The following RGS6 variants were observed in gnomAD, a reference collection of about 807,000 sequenced individuals.
RGS6 encodes the protein regulator of G-protein signaling 6.
RGS6 carries 30 observed loss-of-function variants against 78.5 expected under a neutral mutation model. That is an observed-to-expected ratio of 0.38 (90% CI 0.29 to 0.52). The LOEUF is 0.52. Ranked by LOEUF, RGS6 falls within the 20% of genes least tolerant of loss-of-function variation. The probability of loss-of-function intolerance (pLI) is 0.85; values close to 1 mark genes in which losing one functional copy is unlikely to be tolerated. For missense variants in RGS6, 495 were observed against 609.7 expected (o/e 0.81, Z 1.98); for synonymous variants, 206 against 206.0 (o/e 1.00, Z 0.00).
intron 2 of RGS6, among the ~76,000 whole-genome samples, chr14:72,135,060 A>G (rs2096409610): frequency 6.6e-6 from 1 of 152,200 alleles, no homozygotes; most frequent in Admixed American, 6.6e-5. Context: ...TTCAACTGAC[A>G]CATAAAATTA....
intron 3 of RGS6, among the ~76,000 whole-genome samples, chr14:72,443,934 C>T (rs1285224888): frequency 6.6e-6 from 1 of 152,216 alleles, no homozygotes; most frequent in African/African-American, 2.4e-5. Flanking sequence ...GATCCTCCAT[C>T]TTCCTGCACT....
At chr14:72,236,041 A>G (rs978626029) in intron 2 of RGS6, among the ~76,000 whole-genome samples, 3 of 152,230 alleles carry the variant, frequency 2.0e-5, no homozygotes, top group Admixed American at 1.3e-4. Context: ...GATGCATTGA[A>G]AAATGTATTC....
intron 2 of RGS6, among the ~76,000 whole-genome samples, chr14:71,993,907 G>A (rs994581056): frequency 2.0e-5 from 3 of 151,794 alleles, no homozygotes; most frequent in African/African-American, 7.3e-5. Context: ...AATTGGCAGA[G>A]TGTCTCTGAT....
chr14:72,273,195 T>C (rs1452371863), intron 2 of RGS6, among the ~76,000 whole-genome samples: 2 of 151,910 alleles, frequency 1.3e-5, no homozygotes, highest in African/African-American at 4.8e-5. Context: ...TAATTGAAAG[T>C]GAGCATTCCA....
chr14:71,886,443 G>T, the RGS6 span, among the ~76,000 whole-genome samples: 1 of 152,214 alleles, frequency 6.6e-6, no homozygotes, highest in Non-Finnish European at 1.5e-5. Context: ...AGTGAGTTGT[G>T]TTCTAATCAT....
At chr14:72,107,719 C>A (rs2095663039) in intron 2 of RGS6, among the ~76,000 whole-genome samples, 1 of 151,982 alleles carries the variant, frequency 6.6e-6, no homozygotes, top group African/African-American at 2.4e-5. Flanking sequence ...TTCAGGACTA[C>A]AGGGTTTTAA....
chr14:72,596,461 C>T, the RGS6 span, among the ~76,000 whole-genome samples: 10 of 152,164 alleles, frequency 6.6e-5, no homozygotes, highest in African/African-American at 1.7e-4. Context: ...AAACATCACA[C>T]GTTCTGAGGA....
intron 2 of RGS6, among the ~76,000 whole-genome samples, chr14:72,342,833 G>A (rs2077299796): frequency 6.6e-6 from 1 of 151,862 alleles, no homozygotes; most frequent in African/African-American, 2.4e-5. Flanking sequence ...ATGGCGTGGA[G>A]GCAATGACTT....
chr14:71,947,493 T>C (rs2091705832), intron 1 of RGS6, among the ~76,000 whole-genome samples: 1 of 152,146 alleles, frequency 6.6e-6, no homozygotes, highest in East Asian at 1.9e-4. Flanking sequence ...TCTTTTTTGT[T>C]GTTGTTTTCG....
chr14:72,077,658 C>T (rs1391900326), intron 2 of RGS6, among the ~76,000 whole-genome samples: 1 of 152,110 alleles, frequency 6.6e-6, no homozygotes, highest in African/African-American at 2.4e-5. Flanking sequence ...TCCTTACTGT[C>T]TTGACTACTG....
At chr14:72,166,520 GGAGAA>G (rs1336238414) in intron 2 of RGS6, among the ~76,000 whole-genome samples, 2 of 152,160 alleles carry the variant, frequency 1.3e-5, no homozygotes, top group Non-Finnish European at 2.9e-5. Context: ...TTTTCTAGAT[GGAGAA>G]GATCTCATTA....
chr14:72,358,310 A>G (rs138502542), intron 3 of RGS6, among the ~76,000 whole-genome samples: 55 of 152,306 alleles, frequency 3.6e-4, no homozygotes, highest in Non-Finnish European at 5.4e-4. Context: ...AGGAGCTGTA[A>G]GAAGAGGGCC....
intron 3 of RGS6, among the ~76,000 whole-genome samples, chr14:72,367,524 G>T (rs891824112): frequency 6.6e-6 from 1 of 152,054 alleles, no homozygotes; most frequent in Non-Finnish European, 1.5e-5. Flanking sequence ...GTATCACAAA[G>T]AATAGAGGAA....
chr14:71,890,151 C>T, the RGS6 span, among the ~76,000 whole-genome samples: 2 of 152,076 alleles, frequency 1.3e-5, no homozygotes, highest in East Asian at 1.9e-4. Flanking sequence ...TATTTCTTTA[C>T]AGCGATGTGT....
intron 2 of RGS6, among the ~76,000 whole-genome samples, chr14:72,206,219 C>A (rs1425591705): frequency 6.6e-6 from 1 of 152,128 alleles, no homozygotes; most frequent in Non-Finnish European, 1.5e-5. Context: ...AATCCCAGAA[C>A]TTCGGGAGGC....
intron 6 of RGS6, among the ~76,000 whole-genome samples, 165 bp downstream of exon 6, chr14:72,459,848 A>G (rs2095732776): frequency 6.6e-6 from 1 of 152,178 alleles, no homozygotes; most frequent in Non-Finnish European, 1.5e-5. Flanking sequence ...CTCCTGTTCC[A>G]CATAACAGAG....
chr14:72,370,725 T>A lies in RGS6; in HGVS notation c.184+18531T>A, dbSNP rs1210443391. 5.3e-5 allele frequency among the ~76,000 whole-genome samples: 8 copies of A among 152,260 alleles called. No individual in the cohort carries two copies. The South Asian group carries it at 1.2e-3, about 24-fold the overall frequency. On this transcript the variant is annotated intron_variant, in intron 3 of 17. Transcript: ENST00000553525. Reference sequence around the variant, plus strand: ...GACTACCAGAGTGTTGAAAAAAAAATTTTTTAACATCAATCATGGTAACAT... The same window carrying A: ...GACTACCAGAGTGTTGAAAAAAAAAATTTTTAACATCAATCATGGTAACAT...
At chr14:71,954,565 T>A (rs1433751233) in intron 1 of RGS6, among the ~76,000 whole-genome samples, 1 of 152,200 alleles carries the variant, frequency 6.6e-6, no homozygotes, top group South Asian at 2.1e-4. Context: ...CAAGCATTTC[T>A]CCTTTGTGTT....
At chr14:72,487,806 T>C (rs1439312142) in intron 12 of RGS6, among the ~76,000 whole-genome samples, 1 of 152,226 alleles carries the variant, frequency 6.6e-6, no homozygotes, top group Non-Finnish European at 1.5e-5. Flanking sequence ...TACATTTGTA[T>C]TGTTTTCAGC....
Sources: allele counts gnomAD v4.1 joint callset (sites outside exome capture counted in the v4.1 genomes callset), GRCh38; gene constraint gnomAD v4.1.1; transcripts MANE v1.5; gene names NCBI Gene and HGNC (gene_info 2026-07-23, HGNC 2026-07-21).